Variants in ARHGEF7 observed in about 807,000 individuals in gnomAD.
ARHGEF7 encodes Rho guanine nucleotide exchange factor 7, also known as PAK-interacting exchange factor beta.
In ARHGEF7, 33 loss-of-function variants were observed where a neutral mutation model predicts 109.8. That is an observed-to-expected ratio of 0.30 (90% confidence interval 0.23 to 0.40). ARHGEF7 has a LOEUF of 0.40. Among genes scored for constraint, ARHGEF7 ranks in the 10% least tolerant of loss-of-function variants. The probability of loss-of-function intolerance (pLI) is 1.00; values close to 1 mark genes in which losing one functional copy is unlikely to be tolerated. For missense variants in ARHGEF7, 938 were observed against 1,098.5 expected, an observed-to-expected ratio of 0.85 and a Z score of 2.07; for synonymous variants, 458 against 424.6, an observed-to-expected ratio of 1.08 and a Z score of -0.97.
chr13:111,253,010 G>A (rs939490015), intron 8 of ARHGEF7, among the ~76,000 whole-genome samples: 1 of 152,274 alleles, frequency 6.6e-6, no homozygotes, highest in African/African-American at 2.4e-5. Flanking sequence ...TCCTCTCCCA[G>A]GGCCAGGCCC....
intron 19 of ARHGEF7, among the ~76,000 whole-genome samples, chr13:111,298,045 CAAAG>C (rs1567127946): frequency 2.0e-5 from 3 of 152,182 alleles, no homozygotes; most frequent in Non-Finnish European, 2.9e-5. Context: ...TGTCTGGGCT[CAAAG>C]CAGGACAACT....
Position 111,115,609 on chromosome 13 carries a change from A to G in ARHGEF7, c.83A>G (p.Glu28Gly). The change falls in exon 1 of 22, where the codon GAG becomes GGG. Residue 28 changes from glutamate (E) to glycine (G), a missense_variant. By Grantham distance (98) the Glu-to-Gly change is moderately conservative. Coordinates refer to ENST00000646102, the MANE Select transcript of ARHGEF7 (RefSeq NM_001354046.2). ...CCCAAAAAAACCATCTCGGACCCGG[A>G]GGGCTTTCTGCAGGCGTCGCTGAAG... ...ESPKKTISDP[E>G]GFLQASLKDG... The G allele has an allele frequency of 7.1e-7, 1 of 1,412,314 alleles. No homozygotes were observed. Among genetic ancestry groups the G allele is most frequent in the Non-Finnish European group, 9.4e-7 (1 of 1,066,624 alleles). The allele number at this position is 1,412,314 out of a possible 1,614,324, so 87.5% of individuals were successfully genotyped here.
chr13:111,238,286 C>A (rs1275654794), intron 6 of ARHGEF7, among the ~76,000 whole-genome samples: 3 of 152,150 alleles, frequency 2.0e-5, no homozygotes. Flanking sequence ...TGGCCAGGAG[C>A]TTTGGCCCTA....
intron 2 of ARHGEF7, among the ~76,000 whole-genome samples, chr13:111,204,880 T>A (rs1365477014): frequency 1.3e-5 from 2 of 152,244 alleles, no homozygotes; most frequent in Non-Finnish European, 2.9e-5. Context: ...TTTCCCTTAT[T>A]TTCTGTGGCT....
intron 8 of ARHGEF7, among the ~76,000 whole-genome samples, chr13:111,261,916 A>C (rs1484424713): frequency 6.6e-6 from 1 of 152,202 alleles, no homozygotes; most frequent in Non-Finnish European, 1.5e-5. Flanking sequence ...TCTTGAAACA[A>C]GTGATCGTGG....
At chr13:111,173,621 G>A (rs1383520149) in intron 2 of ARHGEF7, among the ~76,000 whole-genome samples, 2 of 152,232 alleles carry the variant, frequency 1.3e-5, no homozygotes, top group Non-Finnish European at 1.5e-5. Context: ...TTCCCAGGAG[G>A]TTGGCAATTT....
intron 2 of ARHGEF7, among the ~76,000 whole-genome samples, chr13:111,159,894 G>C (rs181484003): frequency 5.3e-5 from 8 of 151,916 alleles, no homozygotes; most frequent in Non-Finnish European, 1.0e-4. Flanking sequence ...CTCTGTTTTC[G>C]GTGCTTTTGG....
At position 111,228,914 on chromosome 13, in the gene ARHGEF7, A is replaced by G. The variant is rs2085606239; in HGVS notation, c.671-4291A>G. On this transcript the variant is annotated intron_variant, in intron 5 of 21. Coordinates refer to ENST00000646102, the MANE Select transcript of ARHGEF7 (RefSeq NM_001354046.2). This position sits in a 1 kb window ranked among gnomAD's most constrained non-coding sequence, Gnocchi z 4.6. ...GACTTTGCTGGGTTGGTGACACGTC[A>G]CAAATGAAAGCGTAACCACTGAAAC... 6.6e-6 allele frequency among the ~76,000 whole-genome samples: 1 copy of G among 152,094 alleles called. No individual in the cohort carries two copies. The highest frequency in any genetic ancestry group is 2.4e-5 in the African/African-American group (1 of 41,420).
chr13:111,182,695 C>G (rs534758305), intron 2 of ARHGEF7: 2 of 152,366 alleles, frequency 1.3e-5, no homozygotes, highest in Admixed American at 1.3e-4. Flanking sequence ...GAGACTTGGA[C>G]TAGATGTTTA....
At chr13:111,127,726 C>A in intron 1 of ARHGEF7, among the ~76,000 whole-genome samples, 1 of 148,570 alleles carries the variant, frequency 6.7e-6, no homozygotes, top group African/African-American at 2.5e-5. Context: ...CCAAACCATT[C>A]TAAGTGGTAA....
chr13:111,217,572 A>T, intron 4 of ARHGEF7, 107 bp from the exon 5 acceptor site: 1 of 1,059,272 alleles, frequency 9.4e-7, no homozygotes, highest in Non-Finnish European at 1.4e-6. Context: ...ATGTATTTCT[A>T]CTGTTGGGCA....
At chr13:111,183,320 C>T (rs1454285068) in intron 2 of ARHGEF7, among the ~76,000 whole-genome samples, 1 of 150,210 alleles carries the variant, frequency 6.7e-6, no homozygotes, top group Non-Finnish European at 1.5e-5. Context: ...CATTCTATAG[C>T]ATTTGGATGG....
At chr13:111,259,038 G>A (rs1171997347) in intron 8 of ARHGEF7, among the ~76,000 whole-genome samples, 1 of 152,274 alleles carries the variant, frequency 6.6e-6, no homozygotes, top group South Asian at 2.1e-4. Flanking sequence ...TGTGGCTTGG[G>A]TGCCACAAGA....
chr13:111,261,443 G>A (rs2091080103), intron 8 of ARHGEF7, among the ~76,000 whole-genome samples: 1 of 152,144 alleles, frequency 6.6e-6, no homozygotes, highest in Admixed American at 6.5e-5. Flanking sequence ...ATCCAACATT[G>A]GAGCACCCAG....
intron 2 of ARHGEF7, among the ~76,000 whole-genome samples, chr13:111,204,532 G>GCA (rs2081552944): frequency 6.6e-6 from 1 of 152,188 alleles, no homozygotes; most frequent in African/African-American, 2.4e-5. Context: ...CTGTGTGTGT[G>GCA]CACACGCGTT....
intron 8 of ARHGEF7, among the ~76,000 whole-genome samples, chr13:111,248,526 G>A (rs894055616): frequency 1.3e-5 from 2 of 152,100 alleles, no homozygotes; most frequent in Non-Finnish European, 2.9e-5. Flanking sequence ...TTTGCTGGAG[G>A]TCCTGGATTT....
intron 8 of ARHGEF7, among the ~76,000 whole-genome samples, chr13:111,253,658 C>T (rs564847738): frequency 3.3e-5 from 5 of 152,238 alleles, no homozygotes; most frequent in African/African-American, 9.6e-5. Flanking sequence ...ATCACTGTAC[C>T]CCAGAGTCTC....
chr13:111,254,377 C>A, intron 8 of ARHGEF7, among the ~76,000 whole-genome samples: 1 of 151,802 alleles, frequency 6.6e-6, no homozygotes, highest in African/African-American at 2.4e-5. Context: ...ACATGAAGGC[C>A]GGGCTCAGAA....
intron 8 of ARHGEF7, among the ~76,000 whole-genome samples, chr13:111,260,386 A>G (rs2090958959): frequency 6.6e-6 from 1 of 152,270 alleles, no homozygotes; most frequent in Non-Finnish European, 1.5e-5. Flanking sequence ...CAAATACCAT[A>G]CAAAGATGCT....
Sources: allele counts gnomAD v4.1 joint callset (sites outside exome capture counted in the v4.1 genomes callset), GRCh38; gene constraint gnomAD v4.1.1; non-coding constraint Gnocchi (gnomAD v3.1); transcripts MANE v1.5; gene names NCBI Gene and HGNC (gene_info 2026-07-23, HGNC 2026-07-21).